The following SCRT2 variants were observed in gnomAD, a reference collection of about 807,000 sequenced individuals.
The protein encoded by SCRT2 is transcriptional repressor scratch 2.
Under a neutral mutation model 3.7 loss-of-function variants are expected in SCRT2, and 2 were observed. That is an observed-to-expected ratio of 0.54 (90% CI 0.22 to 1.70). The LOEUF (loss-of-function observed/expected upper bound fraction) is 1.70, where lower values mean the gene tolerates loss of function less well. Among genes scored for constraint, SCRT2 ranks in the 40% most tolerant of loss-of-function variants. The probability of loss-of-function intolerance (pLI) is 0.19; values close to 1 mark genes in which losing one functional copy is unlikely to be tolerated. For synonymous variants in SCRT2, 256 were observed against 220.6 expected (o/e 1.16, Z -1.42); for missense variants, 456 against 468.5 (o/e 0.97, Z 0.25).
Position 663,532 on chromosome 20 carries a change from C to T in SCRT2, c.*139G>A, listed in dbSNP as rs1368254255. ...GTTTGGGGGTTGGGGAGAAAAGTTC[C>T]GGGCCGGGCCGGGGGTCCCCACGAG... is the stretch of plus-strand genomic sequence containing the variant. On this transcript the variant is annotated 3_prime_UTR_variant, in exon 2 of 2. Transcript: ENST00000246104. This position sits in a 1 kb window ranked among gnomAD's most constrained non-coding sequence, Gnocchi z 6.9. 6.5e-6 allele frequency: 5 copies of T among 773,864 alleles called. No individual in the cohort carries two copies. Among genetic ancestry groups the T allele is most frequent in the Middle Eastern group, 4.3e-4 (1 of 2,352 alleles). The allele number at this position is 773,864 out of a possible 1,614,324, so 47.9% of individuals were successfully genotyped here. A position where few individuals can be genotyped will look rare whatever the true frequency, so the allele number is the denominator to read the frequency against.
Position 663,980 on chromosome 20 carries a change from C to A in SCRT2, c.615G>T (p.Leu205=), listed in dbSNP as rs750539144. 2 of 1,610,924 alleles carry A rather than the reference C, an allele frequency of 1.2e-6. No homozygotes were observed. Among genetic ancestry groups the A allele is most frequent in the African/African-American group, 1.3e-5 (1 of 75,036 alleles). Residue 205 remains leucine, a synonymous_variant, in exon 2 of 2, where the codon CTG becomes CTT. Coordinates refer to ENST00000246104, the MANE Select transcript of SCRT2 (RefSeq NM_033129.4). This position sits in a 1 kb window ranked among gnomAD's most constrained non-coding sequence, Gnocchi z 6.9. ...ACTTGTGGCGCAGGTTGTGCGTGAG[C>A]AGGTGCATGGCGAGCGCGGGCATGG... ...YVSMPALAMH[L]LTHNLRHKCG...
rs150411471 is a variant in SCRT2 at position 675,726 on chromosome 20, G to C, written c.-125C>G. 1,175 of 583,480 alleles carry C rather than the reference G, an allele frequency of 2.0e-3. 24 individuals are homozygous for C. The East Asian group carries it at 0.037, about 18-fold the overall frequency. The allele number at this position is 583,480 out of a possible 1,614,324, so 36.1% of individuals were successfully genotyped here. On this transcript the variant is annotated 5_prime_UTR_variant, in exon 1 of 2. Coordinates refer to ENST00000246104, the MANE Select transcript of SCRT2 (RefSeq NM_033129.4). The surrounding 1 kb of genome is among the most constrained non-coding windows in gnomAD (Gnocchi z 6.9). Reference sequence around the variant, plus strand: ...GGAGCGCGGGAGGCCGCTCGGAGCCGGCACCGGTGGCGGCGGCCCCGGCTC... The same window carrying C: ...GGAGCGCGGGAGGCCGCTCGGAGCCCGCACCGGTGGCGGCGGCCCCGGCTC...
chr20:672,387 TCGTG>T (rs1372541888), intron 1 of SCRT2, among the ~76,000 whole-genome samples: 2 of 88,574 alleles, frequency 2.3e-5, no homozygotes, highest in African/African-American at 4.6e-5. Flanking sequence ...AGAGCATTGC[TCGTG>T]TGTGTGTGTG....
chr20:664,679 G>A lies in SCRT2; in HGVS notation c.134-218C>T, dbSNP rs1032258407. ...GCAAATAGCCGCCACCCCAACCCAC[G>A]GAGCATGGGGCCAGCACGGTTGTAC... On this transcript the variant is annotated intron_variant, in intron 1 of 1. Coordinates refer to ENST00000246104, the MANE Select transcript of SCRT2 (RefSeq NM_033129.4). This position sits in a 1 kb window ranked among gnomAD's most constrained non-coding sequence, Gnocchi z 7.9. Among the ~76,000 whole-genome samples the A allele has an allele frequency of 3.3e-5, 5 of 152,210 alleles. No individual in the cohort carries two copies. Among genetic ancestry groups the A allele is most frequent in the African/African-American group, 1.2e-4 (5 of 41,458 alleles).
At position 665,951 on chromosome 20, in the gene SCRT2, G is replaced by A. The variant is rs79676829; in HGVS notation, c.134-1490C>T. On this transcript the variant is annotated intron_variant, in intron 1 of 1. Coordinates refer to ENST00000246104, the MANE Select transcript of SCRT2 (RefSeq NM_033129.4). The surrounding 1 kb of genome is among the most constrained non-coding windows in gnomAD (Gnocchi z 5.0). ...GACTTTTAGCTGGGTACTCTGGTCA[G>A]CTTTCGTTTCCCACACAGCCTGGCT... Among the ~76,000 whole-genome samples the A allele has an allele frequency of 5.1e-3, 770 of 152,322 alleles. No homozygotes were observed. Among genetic ancestry groups the A allele is most frequent in the Non-Finnish European group, 7.8e-3 (534 of 68,028 alleles).
At position 675,481 on chromosome 20, in the gene SCRT2, GA is replaced by G; in HGVS notation, c.120del (p.Asp43ThrfsTer60). The G allele has an allele frequency of 7.4e-7, 1 of 1,352,762 alleles. No homozygotes were observed. Among genetic ancestry groups the G allele is most frequent in the Non-Finnish European group, 9.5e-7 (1 of 1,047,840 alleles). The allele number at this position is 1,352,762 out of a possible 1,614,324, so 83.8% of individuals were successfully genotyped here. On this transcript the variant is annotated frameshift_variant, in exon 1 of 2. Transcript: ENST00000246104. LOFTEE classifies it low-confidence loss of function (END_TRUNC). This position sits in a 1 kb window ranked among gnomAD's most constrained non-coding sequence, Gnocchi z 6.9. ...TAYVLPGARG[P>X]PGDNGYAPHR... ...GGGTCCCACTCACCGTTGTCCCCGG[GA>G]GGCCCCCGGGCGCCAGGCAGCACGT...
rs1190036083 is a variant in SCRT2 at position 662,185 on chromosome 20, A to G, written c.*1486T>C. ...CTCTGTCCGGGAGAGTTGCATAGAC[A>G]TGGCCGGGAGAGAGCGCCCCTCCCG... On this transcript the variant is annotated 3_prime_UTR_variant, in exon 2 of 2. Coordinates refer to ENST00000246104, the MANE Select transcript of SCRT2 (RefSeq NM_033129.4). 1 of 152,712 alleles carries G rather than the reference A, an allele frequency of 6.5e-6. No individual in the cohort carries two copies. Among genetic ancestry groups the G allele is most frequent in the Non-Finnish European group, 1.5e-5 (1 of 68,096 alleles). 9.5% of individuals were successfully genotyped at this position (152,712 alleles called of 1,614,324 possible).
chr20:664,155 G>A lies in SCRT2; in HGVS notation c.440C>T (p.Ala147Val), dbSNP rs779661675. Residue 147 changes from alanine to valine, a missense_variant, in exon 2 of 2, where the codon GCG becomes GTG. Physicochemically the swap from Ala to Val is moderately conservative, Grantham distance 64. Coordinates refer to ENST00000246104, the MANE Select transcript of SCRT2 (RefSeq NM_033129.4). The surrounding 1 kb of genome is among the most constrained non-coding windows in gnomAD (Gnocchi z 7.9). The part of the protein sequence containing the change: ...GAGGRAGRAG[A>V]QAGGGHRHAC... ...GTGCCGGTGCCCGCCGCCCGCCTGCGCCCCCGCGCGCCCCGCGCGCCCCCC... is the reference window on the plus strand; with the variant it reads ...GTGCCGGTGCCCGCCGCCCGCCTGCACCCCCGCGCGCCCCGCGCGCCCCCC... The A allele has an allele frequency of 8.6e-7, 1 of 1,158,508 alleles. No homozygotes were observed. 71.8% of individuals were successfully genotyped at this position (1,158,508 alleles called of 1,614,324 possible). A position where few individuals can be genotyped will look rare whatever the true frequency, so the allele number is the denominator to read the frequency against.
Position 664,834 on chromosome 20 carries a change from C to A in SCRT2, c.134-373G>T, listed in dbSNP as rs1193684469. Among the ~76,000 whole-genome samples the A allele has an allele frequency of 6.6e-6, 1 of 152,234 alleles. No individual in the cohort carries two copies. Among genetic ancestry groups the A allele is most frequent in the African/African-American group, 2.4e-5 (1 of 41,468 alleles). ...ACCTTACAGTCAGGAAGTGATGGAG[C>A]CCTTGCCAGTGTGACCCTGAAGCCC... is the stretch of plus-strand genomic sequence containing the variant. On this transcript the variant is annotated intron_variant, in intron 1 of 1. Coordinates refer to ENST00000246104, the MANE Select transcript of SCRT2 (RefSeq NM_033129.4). This position sits in a 1 kb window ranked among gnomAD's most constrained non-coding sequence, Gnocchi z 7.9.
At chr20:670,944 G>T (rs1321386481) in intron 1 of SCRT2, among the ~76,000 whole-genome samples, 1 of 152,146 alleles carries the variant, frequency 6.6e-6, no homozygotes, top group Non-Finnish European at 1.5e-5. Flanking sequence ...TCCCTAGAAG[G>T]TCAAAGCTGA....
At position 663,445 on chromosome 20, in the gene SCRT2, G is replaced by A. The variant is rs918528845; in HGVS notation, c.*226C>T. The A allele has an allele frequency of 2.0e-5, 8 of 401,316 alleles. No homozygotes were observed. Among genetic ancestry groups the A allele is most frequent in the African/African-American group, 1.7e-4 (8 of 47,610 alleles). The allele number at this position is 401,316 out of a possible 1,614,324, so 24.9% of individuals were successfully genotyped here. Reference sequence around the variant, plus strand: ...ACAGGGGGGTCAAGGTCCGAGGGATGGCCGGAAAGGATGAAGTGGGTCGGG... The same window carrying A: ...ACAGGGGGGTCAAGGTCCGAGGGATAGCCGGAAAGGATGAAGTGGGTCGGG... On this transcript the variant is annotated 3_prime_UTR_variant, in exon 2 of 2. Transcript: ENST00000246104. The surrounding 1 kb of genome is among the most constrained non-coding windows in gnomAD (Gnocchi z 6.9).
In SCRT2 at chr20:675,223, A is replaced by G. The variant is rs192800664; in HGVS notation, c.133+246T>C. On this transcript the variant is annotated intron_variant, in intron 1 of 1. Transcript: ENST00000246104. This position sits in a 1 kb window ranked among gnomAD's most constrained non-coding sequence, Gnocchi z 6.9. ...CACTCTAGCCCTATTTGAGGGCCAC[A>G]ACTTTCAAAGTCCCGGCTGGCGCGT... Among the ~76,000 whole-genome samples the G allele has an allele frequency of 1.8e-4, 28 of 152,236 alleles. No homozygotes were observed. The East Asian group carries it at 4.7e-3, about 25-fold the overall frequency.
chr20:669,169 G>A (rs1217910203), intron 1 of SCRT2, among the ~76,000 whole-genome samples: 4 of 152,178 alleles, frequency 2.6e-5, no homozygotes, highest in African/African-American at 7.2e-5. Flanking sequence ...GCATGGAGAA[G>A]CTGTTGTGGA....
intron 1 of SCRT2, among the ~76,000 whole-genome samples, chr20:674,623 C>G (rs1477251681): frequency 6.6e-6 from 1 of 151,992 alleles, no homozygotes; most frequent in Non-Finnish European, 1.5e-5. Context: ...CCCTTCTGCA[C>G]CTGAATGACT....
Position 663,715 on chromosome 20 carries a change from C to T in SCRT2, c.880G>A (p.Ala294Thr), listed in dbSNP as rs1201694474. The T allele has an allele frequency of 1.0e-5, 16 of 1,531,348 alleles. 1 individual carries two copies. The Admixed American group carries it at 3.0e-4, about 28-fold the overall frequency. The allele number at this position is 1,531,348 out of a possible 1,614,324, so 94.9% of individuals were successfully genotyped here. The stretch of plus-strand genomic sequence containing the variant: ...GGGGTCGGCGGGGGTGGCTCGGCCG[C>T]CTTGGCGCAGGCCGCCTCGCAGTGC... ...HKHCEAACAK[A>T]AEPPPPTPAG... Residue 294 changes from alanine (A) to threonine (T), a missense_variant, in exon 2 of 2, where the codon GCG (alanine) becomes ACG (threonine). By Grantham distance (58) the Ala-to-Thr change is moderately conservative (BLOSUM62 0). This residue lies in a region of SCRT2 where 144 missense variants were observed against 141.9 expected (regional missense o/e 1.01). Transcript: ENST00000246104. This position sits in a 1 kb window ranked among gnomAD's most constrained non-coding sequence, Gnocchi z 6.9.
rs1984030158 is a variant in SCRT2 at position 663,542 on chromosome 20, C to T, written c.*129G>A. On this transcript the variant is annotated 3_prime_UTR_variant, in exon 2 of 2. Coordinates refer to ENST00000246104, the MANE Select transcript of SCRT2 (RefSeq NM_033129.4). The surrounding 1 kb of genome is among the most constrained non-coding windows in gnomAD (Gnocchi z 6.9). ...TGGGGAGAAAAGTTCCGGGCCGGGC[C>T]GGGGGTCCCCACGAGAGGGTCATGG... 1.1e-6 allele frequency: 1 copy of T among 874,624 alleles called. No individual in the cohort carries two copies. The highest frequency in any genetic ancestry group is 1.8e-5 in the African/African-American group (1 of 56,262). The allele number at this position is 874,624 out of a possible 1,614,324, so 54.2% of individuals were successfully genotyped here. A position where few individuals can be genotyped will look rare whatever the true frequency, so the allele number is the denominator to read the frequency against.
chr20:670,277 C>A (rs1984289510), intron 1 of SCRT2, among the ~76,000 whole-genome samples: 1 of 152,198 alleles, frequency 6.6e-6, no homozygotes, highest in African/African-American at 2.4e-5. Context: ...GTTCCGGAGA[C>A]TGGGTGTGTT....
At position 664,213 on chromosome 20, in the gene SCRT2, C is replaced by T. The variant is rs748541259; in HGVS notation, c.382G>A (p.Asp128Asn). 1 of 1,127,710 alleles carries T rather than the reference C, an allele frequency of 8.9e-7. No homozygotes were observed. Among genetic ancestry groups the T allele is most frequent in the South Asian group, 3.7e-5 (1 of 26,892 alleles). 69.9% of individuals were successfully genotyped at this position (1,127,710 alleles called of 1,614,324 possible). The stretch of plus-strand genomic sequence containing the variant: ...CCCGCGTCTCCCGAGCCCCCCGCGT[C>T]CCCGCCGCCCCCGCCCCGCCGCCGC... ...SRRRRGGGGG[D>N]AGGSGDAGGA... The change falls in exon 2 of 2, where the codon GAC (aspartate) becomes AAC (asparagine). Residue 128 changes from aspartate (D) to asparagine (N), a missense_variant. Asp to Asn is a conservative substitution (Grantham distance 23). Around this residue, in one of 3 missense-constraint regions of SCRT2, gnomAD observed 306 missense variants for 305.3 expected, o/e 1.00. Coordinates refer to ENST00000246104, the MANE Select transcript of SCRT2 (RefSeq NM_033129.4). The surrounding 1 kb of genome is among the most constrained non-coding windows in gnomAD (Gnocchi z 7.9).
chr20:670,096 C>T (rs530883771), intron 1 of SCRT2, among the ~76,000 whole-genome samples: 1 of 152,354 alleles, frequency 6.6e-6, no homozygotes, highest in Admixed American at 6.5e-5. Context: ...GACCCAATTC[C>T]TGTGGCCTAC....
Sources: allele counts gnomAD v4.1 joint callset (sites outside exome capture counted in the v4.1 genomes callset), GRCh38; gene constraint gnomAD v4.1.1; regional missense constraint gnomAD v4.1.1; non-coding constraint Gnocchi (gnomAD v3.1); transcripts MANE v1.5; gene names NCBI Gene and HGNC (gene_info 2026-07-23, HGNC 2026-07-21).